The following PARN variants were observed in gnomAD, a reference collection of about 807,000 sequenced individuals.
PARN encodes poly(A)-specific ribonuclease, also known as poly(A)-specific ribonuclease PARN.
A neutral mutation model predicts 102.8 loss-of-function variants in PARN; 71 were observed. The observed-to-expected ratio is 0.69, with a 90% CI of 0.57 to 0.84. The LOEUF (loss-of-function observed/expected upper bound fraction) is 0.84. Ranked by LOEUF, PARN falls within the 40% of genes least tolerant of loss-of-function variation. PARN has a pLI of 0.00. For synonymous variants in PARN, 261 were observed against 252.9 expected, an observed-to-expected ratio of 1.03 and a Z score of -0.30; for missense variants, 782 against 760.9, an observed-to-expected ratio of 1.03 and a Z score of -0.33.
rs1381652140 is a variant in PARN at position 14,559,258 on chromosome 16, T to C, written c.1263-3549A>G. Among the ~76,000 whole-genome samples, 3 of 151,944 alleles carry C rather than the reference T, an allele frequency of 2.0e-5. No homozygotes were observed. The East Asian group carries it at 5.8e-4, about 29-fold the overall frequency. On this transcript the variant is annotated intron_variant, in intron 18 of 23. Transcript: ENST00000437198. ...TTTTTATTTCTTTATTTTATTTTTT[T>C]CCATTTAGATGTTTTGAAAAAATTT...
chr16:14,628,131 TA>T (rs755664069), intron 3 of PARN, 40 bp downstream of exon 3: 4 of 1,126,072 alleles, frequency 3.6e-6, no homozygotes, highest in Non-Finnish European at 5.4e-6. Flanking sequence ...TAAGGAAGAC[TA>T]ACATGAGAAA....
intron 22 of PARN, among the ~76,000 whole-genome samples, chr16:14,455,069 T>C (rs1199730297): frequency 1.3e-5 from 2 of 152,192 alleles, no homozygotes; most frequent in African/African-American, 4.8e-5. Flanking sequence ...CATTTAAAAA[T>C]TGAAAGATGC....
At chr16:14,574,635 C>A (rs1209559419) in intron 18 of PARN, among the ~76,000 whole-genome samples, 4 of 152,098 alleles carry the variant, frequency 2.6e-5, no homozygotes, top group Admixed American at 6.6e-5. Flanking sequence ...ATCACTTGAA[C>A]CCATGAGGCA....
intron 22 of PARN, among the ~76,000 whole-genome samples, chr16:14,451,131 G>A (rs909529031): frequency 2.6e-5 from 4 of 152,068 alleles, no homozygotes; most frequent in South Asian, 2.1e-4. Context: ...TTCATCGTCC[G>A]TACTCTCCCA....
At chr16:14,473,088 T>C (rs1212489175) in intron 22 of PARN, among the ~76,000 whole-genome samples, 1 of 152,144 alleles carries the variant, frequency 6.6e-6, no homozygotes, top group Non-Finnish European at 1.5e-5. Context: ...TCCAAATCTT[T>C]TATAGTAGTA....
chr16:14,578,887 T>C (rs1969328422), intron 18 of PARN, among the ~76,000 whole-genome samples: 1 of 152,196 alleles, frequency 6.6e-6, no homozygotes. Flanking sequence ...CAATTCAAAA[T>C]AAGCCTACAC....
intron 22 of PARN, among the ~76,000 whole-genome samples, chr16:14,451,632 T>C (rs1337035538): frequency 6.6e-6 from 1 of 151,870 alleles, no homozygotes; most frequent in Non-Finnish European, 1.5e-5. Context: ...GGAGGGTAGG[T>C]AGGGATTGAC....
intron 18 of PARN, among the ~76,000 whole-genome samples, chr16:14,567,338 C>A (rs78492309): frequency 0.014 from 2,094 of 152,230 alleles, 44 homozygotes; most frequent in African/African-American, 0.045. Context: ...TGGCACCTGA[C>A]TCCAAAATTT....
intron 21 of PARN, among the ~76,000 whole-genome samples, chr16:14,497,226 C>G (rs1034433106): frequency 2.0e-5 from 3 of 151,862 alleles, no homozygotes; most frequent in African/African-American, 7.2e-5. Context: ...CAAGCCCTGC[C>G]TGACCTGAAC....
At chr16:14,615,314 A>C (rs1487697170) in intron 6 of PARN, among the ~76,000 whole-genome samples, 1 of 152,090 alleles carries the variant, frequency 6.6e-6, no homozygotes. Context: ...AAAAAAAAAA[A>C]AAAACAAGTT....
chr16:14,600,019 TA>T, intron 11 of PARN, 59 bp from the exon 12 acceptor site: 4 of 962,184 alleles, frequency 4.2e-6, no homozygotes, highest in South Asian at 1.8e-5. Context: ...TTATGTGAAT[TA>T]AAAAACTACC....
intron 21 of PARN, among the ~76,000 whole-genome samples, chr16:14,529,814 C>G (rs1966221305): frequency 6.6e-6 from 1 of 152,134 alleles, no homozygotes; most frequent in African/African-American, 2.4e-5. Context: ...AAGCATGGGA[C>G]TCCTTGGTAG....
intron 16 of PARN, among the ~76,000 whole-genome samples, chr16:14,583,824 G>A (rs894363986): frequency 2.0e-5 from 3 of 152,098 alleles, no homozygotes; most frequent in Non-Finnish European, 4.4e-5. Context: ...GGTGGCCCGA[G>A]GTGGCAAAAC....
chr16:14,467,026 T>C (rs1962403441), intron 22 of PARN, among the ~76,000 whole-genome samples: 1 of 152,176 alleles, frequency 6.6e-6, no homozygotes, highest in Admixed American at 6.5e-5. Context: ...TCCTCTCCGC[T>C]TGTGCACCCC....
At chr16:14,542,255 C>T (rs541380987) in intron 21 of PARN, among the ~76,000 whole-genome samples, 1 of 151,868 alleles carries the variant, frequency 6.6e-6, no homozygotes, top group Admixed American at 6.6e-5. Flanking sequence ...ATCTTCCCTC[C>T]TTTGCCTCTA....
intron 21 of PARN, among the ~76,000 whole-genome samples, chr16:14,542,107 G>A (rs1051280335): frequency 1.3e-5 from 2 of 151,084 alleles, no homozygotes; most frequent in Non-Finnish European, 3.0e-5. Flanking sequence ...TGAGCTCAGG[G>A]GATCCTCTCA....
chr16:14,555,798 A>G lies in PARN; in HGVS notation c.1263-89T>C, dbSNP rs189174341. On this transcript the variant is annotated intron_variant, in intron 18 of 23. Transcript: ENST00000437198. ...TTTAAGGTTGAATTAGAAAAAAAAA[A>G]TTTTAATAGGCATTTATTATATCTT... The G allele has an allele frequency of 1.6e-5, 9 of 579,338 alleles. No individual in the cohort carries two copies. The Admixed American group carries it at 2.5e-4, about 16-fold the overall frequency. 35.9% of individuals were successfully genotyped at this position (579,338 alleles called of 1,614,324 possible). A position where few individuals can be genotyped will look rare whatever the true frequency, so the allele number is the denominator to read the frequency against.
At chr16:14,610,251 T>C (rs1037673780) in intron 7 of PARN, among the ~76,000 whole-genome samples, 1 of 152,118 alleles carries the variant, frequency 6.6e-6, no homozygotes, top group African/African-American at 2.4e-5. Context: ...GGCGGGCAGA[T>C]CACTTGAGGC....
intron 6 of PARN, among the ~76,000 whole-genome samples, chr16:14,613,048 G>A (rs912732289): frequency 5.9e-5 from 9 of 151,924 alleles, no homozygotes; most frequent in Admixed American, 3.9e-4. Flanking sequence ...GGTGGCTCAC[G>A]CCTGTAATCC....
Sources: gnomAD v4.1 joint callset for allele counts (sites outside exome capture counted in the v4.1 genomes callset) on GRCh38, gnomAD v4.1.1 for gene constraint, MANE v1.5 for transcripts, NCBI Gene and HGNC (gene_info 2026-07-23, HGNC 2026-07-21) for gene names.